The following ACADS variants were observed in gnomAD, a reference collection of about 807,000 sequenced individuals.
The protein encoded by ACADS is short-chain specific acyl-CoA dehydrogenase, mitochondrial.
A neutral mutation model predicts 46.8 loss-of-function variants in ACADS; 28 were observed. That is an observed-to-expected ratio of 0.60 (90% confidence interval 0.44 to 0.82). The LOEUF (loss-of-function observed/expected upper bound fraction) is 0.82, where lower values mean the gene tolerates loss of function less well. ACADS is among the 40% of genes least tolerant of loss of function. The pLI, the probability that ACADS is intolerant of heterozygous loss-of-function variation, is 0.00. For missense variants in ACADS, 528 were observed against 578.0 expected, an observed-to-expected ratio of 0.91 and a Z score of 0.89; for synonymous variants, 236 against 237.7, an observed-to-expected ratio of 0.99 and a Z score of 0.07.
At position 120,728,473 on chromosome 12, in the gene ACADS, G is replaced by T. The variant is rs1592934142; in HGVS notation, c.210+1284G>T. ...CCTCTCCGGCCTCTTCTCCTTGCCTGTTTTTTTTTTTAATTTTAATTTTAA... is the reference window on the plus strand; with the variant it reads ...CCTCTCCGGCCTCTTCTCCTTGCCTTTTTTTTTTTTTAATTTTAATTTTAA... On this transcript the variant is annotated intron_variant, in intron 2 of 9. Transcript: ENST00000242592. This position sits in a 1 kb window ranked among gnomAD's most constrained non-coding sequence, Gnocchi z 4.0. 6.9e-6 allele frequency among the ~76,000 whole-genome samples: 1 copy of T among 144,498 alleles called. No individual in the cohort carries two copies. The highest frequency in any genetic ancestry group is 2.5e-5 in the African/African-American group (1 of 39,458). 94.8% of individuals were successfully genotyped at this position (144,498 alleles called of 152,430 possible).
intron 2 of ACADS, among the ~76,000 whole-genome samples, chr12:120,733,591 AAT>A (rs1883339622): frequency 1.9e-5 from 1 of 53,450 alleles, no homozygotes; most frequent in South Asian, 5.5e-4. Flanking sequence ...TGCCTGCTGA[AAT>A]GGTGCCTGCT....
Position 120,739,413 on chromosome 12 carries a change from A to G in ACADS, c.1204A>G (p.Ile402Val). The change falls in exon 10 of 10, where the codon ATC becomes GTC. Residue 402 changes from isoleucine to valine, a missense_variant. Ile to Val is a conservative substitution (Grantham distance 29). Coordinates refer to ENST00000242592, the MANE Select transcript of ACADS (RefSeq NM_000017.4). The stretch of plus-strand genomic sequence containing the variant: ...CACCAGCGAAATCCAGCGGCTGGTG[A>G]TCGCCGGGCATCTGCTCAGGAGCTA... Reference protein sequence around the residue: ...EGTSEIQRLVIAGHLLRSYRS With the variant: ...EGTSEIQRLVVAGHLLRSYRS 6.2e-7 allele frequency: 1 copy of G among 1,611,924 alleles called. No individual in the cohort carries two copies. The highest frequency in any genetic ancestry group is 8.5e-7 in the Non-Finnish European group (1 of 1,179,862).
At position 120,737,456 on chromosome 12, in the gene ACADS, T is replaced by G. The variant is rs1057523592; in HGVS notation, c.461T>G (p.Leu154Arg). ...TSGDKIGCFA[L>R]SEPGNGSDAG... is the part of the protein sequence containing the mutation. The stretch of plus-strand genomic sequence containing the variant: ...GGTGACAAAATTGGCTGCTTTGCCC[T>G]CAGCGAACCAGGTACCTGCCCTGTC... Residue 154 changes from leucine (L) to arginine (R), a missense_variant, in exon 4 of 10, where the codon CTC (leucine) becomes CGC (arginine). Coordinates refer to ENST00000242592, the MANE Select transcript of ACADS (RefSeq NM_000017.4). 3.1e-6 allele frequency: 5 copies of G among 1,613,916 alleles called. No homozygotes were observed. Among genetic ancestry groups the G allele is most frequent in the East Asian group, 2.2e-5 (1 of 44,870 alleles).
chr12:120,737,176 G>C (rs755407408), intron 3 of ACADS, 41 bp downstream of exon 3: 2 of 1,555,712 alleles, frequency 1.3e-6, no homozygotes, highest in South Asian at 1.2e-5. Flanking sequence ...CGGGTGGAGG[G>C]AGGCTCCCGT....
intron 1 of ACADS, 97 bp from the exon 2 acceptor site, chr12:120,726,929 T>C: frequency 2.1e-6 from 3 of 1,432,760 alleles, no homozygotes; most frequent in African/African-American, 1.4e-5. Flanking sequence ...CAGATGTCCC[T>C]TGGAGGGCAA....
At chr12:120,731,830 G>T (rs536430868) in intron 2 of ACADS, among the ~76,000 whole-genome samples, 1 of 150,714 alleles carries the variant, frequency 6.6e-6, no homozygotes, top group East Asian at 1.9e-4. Context: ...TTAGGGAGTG[G>T]TGATGACTCT....
At chr12:120,733,288 A>T (rs1373809059) in intron 2 of ACADS, among the ~76,000 whole-genome samples, 1 of 149,150 alleles carries the variant, frequency 6.7e-6, no homozygotes, top group Non-Finnish European at 1.5e-5. Context: ...TTTAGTAGAG[A>T]CGGGGTTTTA....
At chr12:120,735,241 C>T (rs1413246622) in intron 2 of ACADS, among the ~76,000 whole-genome samples, 1 of 134,758 alleles carries the variant, frequency 7.4e-6, no homozygotes, top group East Asian at 2.1e-4. Flanking sequence ...CACTGCACTC[C>T]AGCCTGGGCA....
Position 120,728,143 on chromosome 12 carries a change from C to T in ACADS, c.210+954C>T, listed in dbSNP as rs1341836903. ...TGTACTTTCAGTAGAGATGGGGTTT[C>T]TCCATGTTGGGCAGGCTGGTCTCAA... On this transcript the variant is annotated intron_variant, in intron 2 of 9. Transcript: ENST00000242592. This position sits in a 1 kb window ranked among gnomAD's most constrained non-coding sequence, Gnocchi z 4.0. Among the ~76,000 whole-genome samples the T allele has an allele frequency of 6.6e-6, 1 of 152,094 alleles. No individual in the cohort carries two copies. Among genetic ancestry groups the T allele is most frequent in the Admixed American group, 6.5e-5 (1 of 15,274 alleles).
chr12:120,739,221 G>A (rs370077075), intron 9 of ACADS, 25 bp downstream of exon 9: 3 of 1,612,920 alleles, frequency 1.9e-6, no homozygotes, highest in African/African-American at 1.3e-5. Flanking sequence ...TGAGCTCTGA[G>A]GGGGCCAGCT....
chr12:120,736,832 A>G (rs2136947964), intron 2 of ACADS, among the ~76,000 whole-genome samples, 154 bp from the exon 3 acceptor site: 1 of 151,600 alleles, frequency 6.6e-6, no homozygotes, highest in East Asian at 2.0e-4. Flanking sequence ...CTGGGTCTTC[A>G]GCTTCTGGAC....
chr12:120,738,904 C>T lies in ACADS; in HGVS notation c.1018C>T (p.Pro340Ser). The T allele has an allele frequency of 1.2e-6, 2 of 1,613,672 alleles. No homozygotes were observed. Among genetic ancestry groups the T allele is most frequent in the Non-Finnish European group, 1.7e-6 (2 of 1,180,024 alleles). ...TGCCATGCTGAAGGATAACAAGAAGCCTTTCATCAAGGTGCCCACAGGGGT... is the reference window on the plus strand; with the variant it reads ...TGCCATGCTGAAGGATAACAAGAAGTCTTTCATCAAGGTGCCCACAGGGGT... ...RAAMLKDNKK[P>S]FIKEAAMAKL... The change falls in exon 8 of 10, where the codon CCT becomes TCT. Residue 340 changes from proline to serine, a missense_variant. Physicochemically the swap from Pro to Ser is moderately conservative, Grantham distance 74 (BLOSUM62 -1). Coordinates refer to ENST00000242592, the MANE Select transcript of ACADS (RefSeq NM_000017.4).
chr12:120,739,068 C>T lies in ACADS; in HGVS notation c.1030-72C>T, dbSNP rs1883563855. The T allele has an allele frequency of 4.4e-6, 7 of 1,606,910 alleles. No homozygotes were observed. In the East Asian group the frequency reaches 1.3e-4, roughly 31 times the overall value. On this transcript the variant is annotated intron_variant, in intron 8 of 9. Coordinates refer to ENST00000242592, the MANE Select transcript of ACADS (RefSeq NM_000017.4). ...GGGGAGGCTCCACAGGCCTCCCCTG[C>T]TGAGGGAGTGGGGGAGCAGGGGATG...
intron 2 of ACADS, among the ~76,000 whole-genome samples, chr12:120,730,596 C>T (rs572312555): frequency 5.3e-5 from 8 of 152,080 alleles, no homozygotes; most frequent in South Asian, 4.1e-4. Flanking sequence ...TGCTACCTGT[C>T]GGGACGTGTG....
In ACADS at chr12:120,739,535, G is replaced by A. The variant is rs967435328; in HGVS notation, c.*87G>A. On this transcript the variant is annotated 3_prime_UTR_variant, in exon 10 of 10. Coordinates refer to ENST00000242592, the MANE Select transcript of ACADS (RefSeq NM_000017.4). ...CCCCGGCTCAGAGACTGGGCGGCCC[G>A]GCGGGGGCTCCCTGGGGACCCCAGA... is the stretch of plus-strand genomic sequence containing the variant. 8 of 1,517,162 alleles carry A rather than the reference G, an allele frequency of 5.3e-6. No homozygotes were observed. Among genetic ancestry groups the A allele is most frequent in the East Asian group, 2.3e-5 (1 of 42,750 alleles). The allele number at this position is 1,517,162 out of a possible 1,614,324, so 94.0% of individuals were successfully genotyped here.
rs764082349 is a variant in ACADS at position 120,727,096 on chromosome 12, G to C, written c.117G>C (p.Gln39His). The change falls in exon 2 of 10, where the codon CAG becomes CAC. Residue 39 changes from glutamine to histidine, a missense_variant. Transcript: ENST00000242592. The part of the protein sequence containing the change: ...YQSVELPETH[Q>H]MLLQTCRDFA... ...CTGTGGAACTGCCCGAGACACACCA[G>C]ATGTTGCTCCAGACATGCCGGGACT... 2.5e-6 allele frequency: 4 copies of C among 1,614,204 alleles called. No individual in the cohort carries two copies. Among genetic ancestry groups the C allele is most frequent in the Non-Finnish European group, 3.4e-6 (4 of 1,180,036 alleles).
At chr12:120,727,463 A>G (rs1883121412) in intron 2 of ACADS, among the ~76,000 whole-genome samples, 2 of 152,238 alleles carry the variant, frequency 1.3e-5, no homozygotes. Flanking sequence ...GGTGTTTGGC[A>G]TGCACTAGGC....
In ACADS at chr12:120,737,643, C is replaced by G. The variant is rs1039654841; in HGVS notation, c.472+176C>G. ...GGGAGGAAGATTGCCTTCGGGGTCC[C>G]CTGGTTTAAGACGCCAGCTCCTGCA... On this transcript the variant is annotated intron_variant, in intron 4 of 9. Coordinates refer to ENST00000242592, the MANE Select transcript of ACADS (RefSeq NM_000017.4). 5.2e-5 allele frequency: 56 copies of G among 1,072,610 alleles called. No individual in the cohort carries two copies. In the Admixed American group the frequency reaches 1.2e-3, roughly 23 times the overall value. The allele number at this position is 1,072,610 out of a possible 1,614,324, so 66.4% of individuals were successfully genotyped here.
chr12:120,727,085 G>A lies in ACADS; in HGVS notation c.106G>A (p.Glu36Lys), dbSNP rs982006585. ...HTIYQSVELP[E>K]THQMLLQTCR... ...CATCTACCAGTCTGTGGAACTGCCC[G>A]AGACACACCAGATGTTGCTCCAGAC... The change falls in exon 2 of 10, where the codon GAG (glutamate) becomes AAG (lysine). Residue 36 changes from glutamate to lysine, a missense_variant. Transcript: ENST00000242592. 6.2e-7 allele frequency: 1 copy of A among 1,614,176 alleles called. No individual in the cohort carries two copies. The highest frequency in any genetic ancestry group is 2.2e-5 in the East Asian group (1 of 44,884).
Sources: allele counts gnomAD v4.1 joint callset (sites outside exome capture counted in the v4.1 genomes callset), GRCh38; gene constraint gnomAD v4.1.1; non-coding constraint Gnocchi (gnomAD v3.1); transcripts MANE v1.5; gene names NCBI Gene and HGNC (gene_info 2026-07-23, HGNC 2026-07-21).